The following ORC6 variants were observed in gnomAD, a reference collection of about 807,000 sequenced individuals.
The protein encoded by ORC6 is origin recognition complex subunit 6.
Under a neutral mutation model 30.0 loss-of-function variants are expected in ORC6, and 31 were observed. That is an observed-to-expected ratio of 1.03 (90% CI 0.78 to 1.40). The LOEUF (loss-of-function observed/expected upper bound fraction) is 1.40. Ranked by LOEUF, ORC6 falls within the 40% of genes most tolerant of loss-of-function variation. The pLI is 0.00. For synonymous variants in ORC6, 136 were observed against 111.2 expected (o/e 1.22, Z -1.40); for missense variants, 340 against 304.3 (o/e 1.12, Z -0.87).
intron 4 of ORC6, chr16:46,693,537 C>T (rs1966474422): frequency 3.0e-6 from 1 of 331,104 alleles, no homozygotes; most frequent in African/African-American, 2.1e-5. Flanking sequence ...CGTGGTGGCT[C>T]CCGCCTGTAA....
intron 5 of ORC6, 91 bp from the exon 6 acceptor site, chr16:46,695,926 A>T: frequency 1.1e-6 from 1 of 951,076 alleles, no homozygotes; most frequent in Non-Finnish European, 1.7e-6. Flanking sequence ...TTGATCAGTT[A>T]AGATGTCTAA....
rs1292587454 is a variant in ORC6 at position 46,689,715 on chromosome 16, G to T, written c.10G>T (p.Glu4Ter). ...CTTTAGTGCCGGCGCCATGGGGTCGGAGCTGATCGGGCGCCTAGCCCCGCG... is the reference window on the plus strand; with the variant it reads ...CTTTAGTGCCGGCGCCATGGGGTCGTAGCTGATCGGGCGCCTAGCCCCGCG... MGS[E>*]LIGRLAPRLG... is the part of the protein sequence containing the mutation. Residue 4 changes from glutamate (E) to a stop codon, truncating the protein, a stop_gained, in exon 1 of 7, where the codon GAG (glutamate) becomes TAG (stop). Transcript: ENST00000219097. LOFTEE classifies it high-confidence loss of function. The T allele has an allele frequency of 6.2e-7, 1 of 1,601,848 alleles. No homozygotes were observed. Among genetic ancestry groups the T allele is most frequent in the Non-Finnish European group, 8.5e-7 (1 of 1,174,396 alleles).
Position 46,692,623 on chromosome 16 carries a change from A to C in ORC6, c.359+78A>C, listed in dbSNP as rs1028602685. 3 of 1,333,360 alleles carry C rather than the reference A, an allele frequency of 2.2e-6. No individual in the cohort carries two copies. The African/African-American group carries it at 4.3e-5, about 19-fold the overall frequency. 82.6% of individuals were successfully genotyped at this position (1,333,360 alleles called of 1,614,324 possible). ...GGTGGCTCACGCCTGTAATCCCAGC[A>C]CTTTGGGAGGCCAAGTTGGGTGGAT... On this transcript the variant is annotated intron_variant, in intron 3 of 6. Coordinates refer to ENST00000219097, the MANE Select transcript of ORC6 (RefSeq NM_014321.4).
At position 46,693,085 on chromosome 16, in the gene ORC6, T is replaced by C. The variant is rs745932562; in HGVS notation, c.360-8T>C. ...TAACAGATAATTCTGCAATAACTTC[T>C]CCTTTAGCTATGAGTCCAGTCTTCC... On this transcript the variant is annotated splice_region_variant and splice_polypyrimidine_tract_variant and intron_variant, in intron 3 of 6. Transcript: ENST00000219097. The C allele has an allele frequency of 8.3e-6, 13 of 1,571,432 alleles. No individual in the cohort carries two copies. The East Asian group carries it at 2.9e-4, about 35-fold the overall frequency.
chr16:46,693,001 A>G, intron 3 of ORC6, 92 bp from the exon 4 acceptor site: 3 of 885,256 alleles, frequency 3.4e-6, no homozygotes, highest in South Asian at 2.6e-5. Context: ...ACACATATCC[A>G]TTTTAAAAGC....
At position 46,692,978 on chromosome 16, in the gene ORC6, G is replaced by A. The variant is rs1480620060; in HGVS notation, c.360-115G>A. On this transcript the variant is annotated intron_variant, in intron 3 of 6. Transcript: ENST00000219097. ...TTCAGTCTTAAAAAAAATGACTCGT[G>A]TTAAGTGACAGCACACATATCCATT... 3 of 760,484 alleles carry A rather than the reference G, an allele frequency of 3.9e-6. No homozygotes were observed. The African/African-American group carries it at 5.1e-5, about 13-fold the overall frequency. 47.1% of individuals were successfully genotyped at this position (760,484 alleles called of 1,614,324 possible).
Position 46,698,163 on chromosome 16 carries a change from AGATAGATAGATAGATAGATG to A in ORC6, c.*598_*617del, listed in dbSNP as rs1276829141. ...GCCTGGGTGACAGAGCGAGACTTAT[AGATAGATAGATAGATAGATG>A]GATAGATAGATAGATAGATAGATAG... On this transcript the variant is annotated 3_prime_UTR_variant, in exon 7 of 7. Coordinates refer to ENST00000219097, the MANE Select transcript of ORC6 (RefSeq NM_014321.4). 1.7e-5 allele frequency: 7 copies of A among 413,768 alleles called. No homozygotes were observed. The highest frequency in any genetic ancestry group is 1.2e-4 in the African/African-American group (5 of 41,274). The allele number at this position is 413,768 out of a possible 1,614,324, so 25.6% of individuals were successfully genotyped here.
At chr16:46,693,405 A>G (rs1966472226) in intron 4 of ORC6, 3 of 583,892 alleles carry the variant, frequency 5.1e-6, no homozygotes, top group Non-Finnish European at 9.2e-6. Flanking sequence ...TAGCAGCTGT[A>G]TATATATGCT....
In ORC6 at chr16:46,692,540, A is replaced by G. The variant is rs1046633319; in HGVS notation, c.354A>G (p.Leu118=). ...IEAVNMASKI[L]KSYESSLPQT... is the part of the protein sequence containing the mutation. ...CAGTGAACATGGCTTCAAAGATACT[A>G]AAAAGGTATGGGGCATAGAGAACCT... The change falls in exon 3 of 7, where the codon CTA becomes CTG. Residue 118 remains leucine, a synonymous_variant. Transcript: ENST00000219097. 5.6e-6 allele frequency: 9 copies of G among 1,612,348 alleles called. No homozygotes were observed. The Admixed American group carries it at 8.3e-5, about 15-fold the overall frequency.
At chr16:46,697,245 G>A (rs1021317285) in intron 6 of ORC6, among the ~76,000 whole-genome samples, 1 of 152,178 alleles carries the variant, frequency 6.6e-6, no homozygotes, top group African/African-American at 2.4e-5. Flanking sequence ...AGCTACTCAA[G>A]AGGTGGAGGT....
intron 4 of ORC6, 64 bp downstream of exon 4, chr16:46,693,246 G>A (rs1966470218): frequency 4.2e-6 from 4 of 959,388 alleles, no homozygotes; most frequent in Non-Finnish European, 6.8e-6. Context: ...CATCCCCAAG[G>A]AATACTTCTA....
chr16:46,697,119 T>C (rs1213356680), intron 6 of ORC6, among the ~76,000 whole-genome samples: 3 of 152,218 alleles, frequency 2.0e-5, no homozygotes, highest in Non-Finnish European at 2.9e-5. Context: ...AGTTAAGTGC[T>C]TGATAGACGT....
rs1213843187 is a variant in ORC6 at position 46,697,933 on chromosome 16, G to C, written c.*348G>C. 2.2e-6 allele frequency: 1 copy of C among 453,018 alleles called. No individual in the cohort carries two copies. The highest frequency in any genetic ancestry group is 4.4e-6 in the Non-Finnish European group (1 of 225,970). The allele number at this position is 453,018 out of a possible 1,614,324, so 28.1% of individuals were successfully genotyped here. A position where few individuals can be genotyped will look rare whatever the true frequency, so the allele number is the denominator to read the frequency against. Reference sequence around the variant, plus strand: ...AGCTCGAGACCAGCCTGGCCAACATGGTGAAACCCCATCTCTACTAAAAAT... The same window carrying C: ...AGCTCGAGACCAGCCTGGCCAACATCGTGAAACCCCATCTCTACTAAAAAT... On this transcript the variant is annotated 3_prime_UTR_variant, in exon 7 of 7. Coordinates refer to ENST00000219097, the MANE Select transcript of ORC6 (RefSeq NM_014321.4).
Position 46,696,065 on chromosome 16 carries a change from T to G in ORC6, c.611T>G (p.Val204Gly). The change falls in exon 6 of 7, where the codon GTG becomes GGG. Residue 204 changes from valine to glycine, a missense_variant. Coordinates refer to ENST00000219097, the MANE Select transcript of ORC6 (RefSeq NM_014321.4). ...CCACCACGGAAGAGAAAGAAGATAG[T>G]GGTTGAAGCCCCAGCAAAGGGTAAG... The part of the protein sequence containing the change: ...ATPPRKRKKI[V>G]VEAPAKEMEK... The G allele has an allele frequency of 6.2e-7, 1 of 1,613,034 alleles. No homozygotes were observed. The highest frequency in any genetic ancestry group is 2.2e-5 in the East Asian group (1 of 44,880).
At chr16:46,696,752 C>T (rs998807622) in intron 6 of ORC6, among the ~76,000 whole-genome samples, 1 of 152,150 alleles carries the variant, frequency 6.6e-6, no homozygotes, top group African/African-American at 2.4e-5. Flanking sequence ...GCCTCCTGAG[C>T]TCAAACCATC....
At chr16:46,691,454 GGTCA>G (rs1327743168) in intron 2 of ORC6, among the ~76,000 whole-genome samples, 3 of 152,070 alleles carry the variant, frequency 2.0e-5, no homozygotes, top group Non-Finnish European at 2.9e-5. Flanking sequence ...CAAGCTTTGG[GGTCA>G]GTCAGGAGGA....
At chr16:46,695,447 A>G in intron 4 of ORC6, 115 bp from the exon 5 acceptor site, 1 of 704,458 alleles carries the variant, frequency 1.4e-6, no homozygotes, top group Non-Finnish European at 2.5e-6. Context: ...AAGGAAAAAA[A>G]CTAGACAGAG....
At chr16:46,696,231 G>C in intron 6 of ORC6, 146 bp downstream of exon 6, 1 of 697,454 alleles carries the variant, frequency 1.4e-6, no homozygotes, top group Non-Finnish European at 2.6e-6. Context: ...CAAGCAATCA[G>C]TAATGGAAGT....
In ORC6 at chr16:46,698,160, T is replaced by TATAG. The variant is rs568119196; in HGVS notation, c.*594_*597dup. ...CCAGCCTGGGTGACAGAGCGAGACT[T>TATAG]ATAGATAGATAGATAGATAGATGGA... is the stretch of plus-strand genomic sequence containing the variant. On this transcript the variant is annotated 3_prime_UTR_variant, in exon 7 of 7. Coordinates refer to ENST00000219097, the MANE Select transcript of ORC6 (RefSeq NM_014321.4). The TATAG allele has an allele frequency of 2.2e-3, 795 of 368,932 alleles. No individual in the cohort carries two copies. Among genetic ancestry groups the TATAG allele is most frequent in the Middle Eastern group, 3.4e-3 (4 of 1,182 alleles). The allele number at this position is 368,932 out of a possible 1,614,324, so 22.9% of individuals were successfully genotyped here.
Sources: gnomAD v4.1 joint callset for allele counts (sites outside exome capture counted in the v4.1 genomes callset) on GRCh38, gnomAD v4.1.1 for gene constraint, MANE v1.5 for transcripts, NCBI Gene and HGNC (gene_info 2026-07-23, HGNC 2026-07-21) for gene names.